Variants in TBL1X observed in about 807,000 individuals in gnomAD.
TBL1X encodes transducin beta like 1 X-linked.
Under a neutral mutation model 50.7 loss-of-function variants are expected in TBL1X, and 10 were observed. The ratio of observed to expected loss-of-function variants is 0.20; its 90% CI spans 0.12 to 0.33. TBL1X has a LOEUF of 0.33. Ranked by LOEUF, TBL1X falls within the 10% of genes least tolerant of loss-of-function variation. TBL1X has a pLI of 1.00. For synonymous variants in TBL1X, 190 were observed against 214.7 expected (o/e 0.88, Z 1.01); for missense variants, 340 against 504.4 (o/e 0.67, Z 3.12).
At chrX:9,609,411 GGTGT>G (rs749352901) in intron 2 of TBL1X, among the ~76,000 whole-genome samples, 24 of 97,795 alleles carry the variant, frequency 2.5e-4, no homozygotes, top group African/African-American at 6.1e-4. Flanking sequence ...TCCAGGTAGG[GGTGT>G]GTGTGTGTGT....
At chrX:9,543,573 C>A (rs1232896935) in intron 2 of TBL1X, among the ~76,000 whole-genome samples, 2 of 110,049 alleles carry the variant, frequency 1.8e-5, no homozygotes, top group African/African-American at 6.6e-5. Flanking sequence ...AGAGTGTGGC[C>A]CTTCGTCTTG....
intron 5 of TBL1X, among the ~76,000 whole-genome samples, chrX:9,659,739 T>G (rs2082886333): frequency 8.9e-6 from 1 of 112,033 alleles, no homozygotes. Context: ...CATGACTGGT[T>G]TTATAGACGT....
chrX:9,556,456 G>A (rs1007314368), intron 2 of TBL1X, among the ~76,000 whole-genome samples: 14 of 108,182 alleles, frequency 1.3e-4, no homozygotes, highest in African/African-American at 4.0e-4. Context: ...TCAGGAGTTC[G>A]AGACCAGCCT....
chrX:9,536,764 G>T (rs1461046218), intron 2 of TBL1X, among the ~76,000 whole-genome samples: 1 of 111,577 alleles, frequency 9.0e-6, no homozygotes, highest in Non-Finnish European at 1.9e-5. Context: ...GGCCACTGTT[G>T]TGCCTTTAAC....
chrX:9,709,178 C>A, intron 13 of TBL1X, 70 bp from the exon 14 acceptor site: 1 of 1,093,451 alleles, frequency 9.1e-7, no homozygotes, highest in South Asian at 1.9e-5. Flanking sequence ...GCTGCTGCCC[C>A]CTGCTGGAAG....
At chrX:9,590,218 G>T (rs1002469098) in intron 2 of TBL1X, among the ~76,000 whole-genome samples, 3 of 111,686 alleles carry the variant, frequency 2.7e-5, no homozygotes, top group African/African-American at 9.8e-5. Flanking sequence ...CTTGTGCTGT[G>T]CCGGGTCTTA....
At chrX:9,701,675 G>A (rs746023109) in intron 12 of TBL1X, among the ~76,000 whole-genome samples, 2 of 109,738 alleles carry the variant, frequency 1.8e-5, no homozygotes, top group Non-Finnish European at 1.9e-5. Context: ...AAGCCATCCT[G>A]GACCGCGGGT....
intron 2 of TBL1X, among the ~76,000 whole-genome samples, chrX:9,516,458 G>T (rs2082081397): frequency 8.9e-6 from 1 of 112,114 alleles, no homozygotes; most frequent in East Asian, 2.8e-4. Context: ...AGCACAGACG[G>T]AGATAAAGAG....
chrX:9,551,738 T>G (rs886770305), intron 2 of TBL1X, among the ~76,000 whole-genome samples: 1 of 111,420 alleles, frequency 9.0e-6, no homozygotes, highest in Admixed American at 9.5e-5. Context: ...ATGTTGGGCT[T>G]CGGATATGAA....
chrX:9,651,288 G>A (rs781621640), intron 3 of TBL1X, among the ~76,000 whole-genome samples: 1 of 111,637 alleles, frequency 9.0e-6, no homozygotes, highest in Non-Finnish European at 1.9e-5. Flanking sequence ...CAAGCGATCC[G>A]CCTGCCTCGG....
chrX:9,484,104 A>G (rs1046850049), intron 1 of TBL1X, among the ~76,000 whole-genome samples: 3 of 111,988 alleles, frequency 2.7e-5, no homozygotes, highest in African/African-American at 9.8e-5. Flanking sequence ...TCCTGGGCTC[A>G]AGCAATCTTC....
chrX:9,538,879 A>G (rs1263257786), intron 2 of TBL1X, among the ~76,000 whole-genome samples: 1 of 112,781 alleles, frequency 8.9e-6, no homozygotes, highest in East Asian at 2.8e-4. Context: ...CCTGCTGGGG[A>G]GAAGCCCGCT....
At chrX:9,701,614 C>CA (rs2083173878) in intron 12 of TBL1X, among the ~76,000 whole-genome samples, 1 of 72,059 alleles carries the variant, frequency 1.4e-5, no homozygotes, top group African/African-American at 5.4e-5. Flanking sequence ...AAAAAGAAAA[C>CA]AACTCTTAAT....
At chrX:9,523,899 T>G (rs966378554) in intron 2 of TBL1X, among the ~76,000 whole-genome samples, 1 of 110,433 alleles carries the variant, frequency 9.1e-6, no homozygotes, top group African/African-American at 3.3e-5. Context: ...TGTTGAATAG[T>G]GCTTTTTTCT....
intron 1 of TBL1X, among the ~76,000 whole-genome samples, chrX:9,491,189 C>T (rs964960664): frequency 3.0e-4 from 32 of 105,575 alleles, no homozygotes; most frequent in African/African-American, 1.1e-3. Context: ...ACTGTTGTTG[C>T]GCAGGCTGGT....
chrX:9,701,570 A>T (rs1343422023), intron 12 of TBL1X, among the ~76,000 whole-genome samples: 1 of 18,255 alleles, frequency 5.5e-5, no homozygotes, highest in East Asian at 2.6e-3. Context: ...TTGATGAGCT[A>T]AAAAAAAAAA....
chrX:9,633,307 C>G (rs897368483), intron 2 of TBL1X, among the ~76,000 whole-genome samples: 3 of 111,336 alleles, frequency 2.7e-5, no homozygotes, highest in African/African-American at 9.8e-5. Flanking sequence ...AGAGTTGCCT[C>G]TGAGGAGCAC....
At chrX:9,466,185 G>T (rs1018871541) in intron 1 of TBL1X, among the ~76,000 whole-genome samples, 16 of 111,683 alleles carry the variant, frequency 1.4e-4, no homozygotes, top group African/African-American at 5.2e-4. Flanking sequence ...GGCGGGTGGG[G>T]TGGGTCTCGC....
chrX:9,586,440 C>T (rs753811291), intron 2 of TBL1X, among the ~76,000 whole-genome samples: 1 of 112,416 alleles, frequency 8.9e-6, no homozygotes, highest in South Asian at 3.6e-4. Flanking sequence ...ATCTAAAGTA[C>T]ACAAATTCGT....
Sources: allele counts gnomAD v4.1 joint callset (sites outside exome capture counted in the v4.1 genomes callset), GRCh38; gene constraint gnomAD v4.1.1; transcripts MANE v1.5; gene names NCBI Gene and HGNC (gene_info 2026-07-23, HGNC 2026-07-21).